The following NDST4 variants were observed in gnomAD, a reference collection of about 807,000 sequenced individuals.
The protein encoded by NDST4 is N-deacetylase and N-sulfotransferase 4, also known as N-heparan sulfate sulfotransferase 4.
NDST4 carries 63 observed loss-of-function variants against 100.8 expected under a neutral mutation model. The ratio of observed to expected loss-of-function variants is 0.62; its 90% CI spans 0.51 to 0.77. The LOEUF (loss-of-function observed/expected upper bound fraction) is 0.77, where lower values mean the gene tolerates loss of function less well. NDST4 is among the 30% of genes least tolerant of loss of function. The probability of loss-of-function intolerance (pLI) is 0.00; values close to 1 mark genes in which losing one functional copy is unlikely to be tolerated. For missense variants in NDST4, 943 were observed against 1,018.4 expected (o/e 0.93, Z 1.01); for synonymous variants, 377 against 361.8 (o/e 1.04, Z -0.48).
At chr4:115,110,094 T>G (rs1176796369) in intron 1 of NDST4, among the ~76,000 whole-genome samples, 1 of 151,920 alleles carries the variant, frequency 6.6e-6, no homozygotes, top group African/African-American at 2.4e-5. Flanking sequence ...AAATTTTAGA[T>G]TTGTCACCTC....
intron 1 of NDST4, among the ~76,000 whole-genome samples, chr4:115,111,470 C>T (rs958292583): frequency 6.6e-6 from 1 of 151,524 alleles, no homozygotes; most frequent in Non-Finnish European, 1.5e-5. Context: ...TCCCCATATA[C>T]TTCCTTTTGA....
chr4:115,031,148 CA>C (rs1728106305), intron 2 of NDST4, among the ~76,000 whole-genome samples: 1 of 152,004 alleles, frequency 6.6e-6, no homozygotes, highest in Admixed American at 6.6e-5. Flanking sequence ...TGATTTAATA[CA>C]CATCTTCAAC....
At chr4:115,055,079 G>A (rs1255962415) in intron 2 of NDST4, among the ~76,000 whole-genome samples, 1 of 152,008 alleles carries the variant, frequency 6.6e-6, no homozygotes, top group East Asian at 1.9e-4. Flanking sequence ...GACTCTCATA[G>A]GGGCGTGAAC....
chr4:114,867,646 T>TTAAAAA (rs1553949943), intron 7 of NDST4, among the ~76,000 whole-genome samples: 1 of 26,776 alleles, frequency 3.7e-5, no homozygotes, highest in African/African-American at 8.4e-5. Flanking sequence ...ATGAGAATTA[T>TTAAAAA]AAAAAAAAAA....
At position 114,870,873 on chromosome 4, in the gene NDST4, G is replaced by C. The variant is rs111323177; in HGVS notation, c.1614C>G (p.Asn538Lys). 2.3e-4 allele frequency: 365 copies of C among 1,613,228 alleles called. No homozygotes were observed. In the African/African-American group the frequency reaches 4.4e-3, roughly 19 times the overall value. The change falls in exon 7 of 14, where the codon AAC (asparagine) becomes AAG (lysine). Residue 538 changes from asparagine (N) to lysine (K), a missense_variant. By Grantham distance (94) the Asn-to-Lys change is moderately conservative (BLOSUM62 0). This residue lies in a region of NDST4 where 526 missense variants were observed against 634.1 expected (regional missense o/e 0.83). Coordinates refer to ENST00000264363, the MANE Select transcript of NDST4 (RefSeq NM_022569.3). Reference sequence around the variant, plus strand: ...TCAGGTTGGTCCAGCTCTGCACAAAGTTGACCAAGTTCACAAAGGTATATA... The same window carrying C: ...TCAGGTTGGTCCAGCTCTGCACAAACTTGACCAAGTTCACAAAGGTATATA... Reference protein sequence around the residue: ...LGLYTFVNLVNFVQSWTNLKL... With the variant: ...LGLYTFVNLVKFVQSWTNLKL...
intron 7 of NDST4, among the ~76,000 whole-genome samples, chr4:114,855,457 G>A (rs541673672): frequency 2.7e-4 from 41 of 152,190 alleles, no homozygotes; most frequent in South Asian, 2.1e-3. Flanking sequence ...TGTGTACGGA[G>A]AGAGATAGGG....
chr4:115,087,208 G>C (rs535674300), intron 1 of NDST4, among the ~76,000 whole-genome samples: 1 of 150,602 alleles, frequency 6.6e-6, no homozygotes, highest in Non-Finnish European at 1.5e-5. Context: ...TATAGATTTG[G>C]AGGTAATATT....
intron 6 of NDST4, among the ~76,000 whole-genome samples, chr4:114,913,901 A>G (rs1410596923): frequency 1.3e-5 from 2 of 152,060 alleles, no homozygotes; most frequent in Non-Finnish European, 2.9e-5. Context: ...TTGATATGTT[A>G]AAAAGTGTTG....
At chr4:114,908,722 T>A (rs1202900554) in intron 6 of NDST4, among the ~76,000 whole-genome samples, 1 of 152,200 alleles carries the variant, frequency 6.6e-6, no homozygotes, top group Non-Finnish European at 1.5e-5. Flanking sequence ...AAGAAACGTG[T>A]TAGCACACAT....
chr4:115,032,294 G>T (rs1172520498), intron 2 of NDST4, among the ~76,000 whole-genome samples: 6 of 151,938 alleles, frequency 3.9e-5, no homozygotes, highest in Non-Finnish European at 8.8e-5. Context: ...CAATAACATT[G>T]ACTACATTTG....
intron 7 of NDST4, among the ~76,000 whole-genome samples, chr4:114,861,616 C>G (rs1256084805): frequency 1.3e-5 from 2 of 152,118 alleles, no homozygotes; most frequent in Non-Finnish European, 2.9e-5. Context: ...TTGCCTCACA[C>G]AGTCAGATCA....
intron 4 of NDST4, among the ~76,000 whole-genome samples, chr4:114,946,210 AC>A (rs1725859427): frequency 6.6e-6 from 1 of 152,268 alleles, no homozygotes; most frequent in South Asian, 2.1e-4. Context: ...CTGAAGTCTT[AC>A]TTTATTGACA....
intron 6 of NDST4, among the ~76,000 whole-genome samples, chr4:114,921,114 A>C (rs1408610374): frequency 6.6e-6 from 1 of 152,202 alleles, no homozygotes; most frequent in African/African-American, 2.4e-5. Flanking sequence ...CTATTAATAC[A>C]AAAATTAAAA....
chr4:115,028,132 G>C (rs1425551319), intron 2 of NDST4, among the ~76,000 whole-genome samples: 1 of 152,046 alleles, frequency 6.6e-6, no homozygotes, highest in African/African-American at 2.4e-5. Flanking sequence ...ACTTGTAGTA[G>C]AGAAGGATAG....
chr4:115,093,855 G>A (rs545439086), intron 1 of NDST4, among the ~76,000 whole-genome samples: 34 of 151,952 alleles, frequency 2.2e-4, no homozygotes, highest in South Asian at 8.3e-4. Context: ...TAATGTAAGC[G>A]GTCATCTTAA....
intron 6 of NDST4, among the ~76,000 whole-genome samples, chr4:114,932,924 T>G (rs1725544714): frequency 6.6e-6 from 1 of 152,086 alleles, no homozygotes; most frequent in African/African-American, 2.4e-5. Flanking sequence ...TTCAATGAAC[T>G]TTCTATCAAA....
intron 1 of NDST4, among the ~76,000 whole-genome samples, chr4:115,100,433 TC>T (rs1729707747): frequency 6.6e-6 from 1 of 151,996 alleles, no homozygotes; most frequent in Non-Finnish European, 1.5e-5. Context: ...TACTTTCTGT[TC>T]AATTTCTGCT....
intron 7 of NDST4, among the ~76,000 whole-genome samples, chr4:114,856,453 T>A (rs1454757463): frequency 6.6e-6 from 1 of 152,202 alleles, no homozygotes; most frequent in Non-Finnish European, 1.5e-5. Flanking sequence ...ATTAAGAATG[T>A]TTTTCTTTGA....
chr4:114,928,394 C>A (rs1043998758), intron 6 of NDST4, among the ~76,000 whole-genome samples: 1 of 152,148 alleles, frequency 6.6e-6, no homozygotes, highest in African/African-American at 2.4e-5. Flanking sequence ...TTAATCATAG[C>A]CCATCACCTC....
Sources: allele counts gnomAD v4.1 joint callset (sites outside exome capture counted in the v4.1 genomes callset), GRCh38; gene constraint gnomAD v4.1.1; regional missense constraint gnomAD v4.1.1; transcripts MANE v1.5; gene names NCBI Gene and HGNC (gene_info 2026-07-23, HGNC 2026-07-21).